Variants in SHPK observed in about 807,000 individuals in gnomAD.
SHPK encodes sedoheptulokinase.
SHPK carries 51 observed loss-of-function variants against 46.3 expected under a neutral mutation model. The ratio of observed to expected loss-of-function variants is 1.10; its 90% confidence interval spans 0.88 to 1.39. The LOEUF (loss-of-function observed/expected upper bound fraction) is 1.39. SHPK is among the 40% of genes most tolerant of loss of function. The probability of loss-of-function intolerance (pLI) is 0.00; values close to 1 mark genes in which losing one functional copy is unlikely to be tolerated. For missense variants in SHPK, 668 were observed against 641.3 expected (o/e 1.04, Z -0.45); for synonymous variants, 290 against 273.9 (o/e 1.06, Z -0.58).
intron 5 of SHPK, among the ~76,000 whole-genome samples, chr17:3,616,573 G>T (rs1322263885): frequency 6.6e-6 from 1 of 152,140 alleles, no homozygotes; most frequent in African/African-American, 2.4e-5. Context: ...ATAAATGTCT[G>T]TTGTTTTAGG....
In SHPK at chr17:3,610,293, G is replaced by GCT; in HGVS notation, c.*265_*266dup. ...GCAGGCTGGGCTACTGTGCTCTCAT[G>GCT]CTCTCTCTCTCCCACATGGACATTT... On this transcript the variant is annotated 3_prime_UTR_variant, in exon 7 of 7. Transcript: ENST00000225519. 1.4e-5 allele frequency: 6 copies of GCT among 436,682 alleles called. No homozygotes were observed. The highest frequency in any genetic ancestry group is 6.1e-5 in the South Asian group (2 of 32,986). 27.1% of individuals were successfully genotyped at this position (436,682 alleles called of 1,614,324 possible). A position where few individuals can be genotyped will look rare whatever the true frequency, so the allele number is the denominator to read the frequency against.
At chr17:3,618,292 A>T (rs549106380) in intron 5 of SHPK, among the ~76,000 whole-genome samples, 1 of 152,038 alleles carries the variant, frequency 6.6e-6, no homozygotes, top group South Asian at 2.1e-4. Context: ...TTTTTAGTAG[A>T]GATGGGTTTT....
chr17:3,611,651 A>G (rs1337528029), intron 6 of SHPK, among the ~76,000 whole-genome samples: 1 of 152,132 alleles, frequency 6.6e-6, no homozygotes, highest in East Asian at 1.9e-4. Flanking sequence ...TCCAGGACCA[A>G]TCACTGAATG....
At chr17:3,613,418 A>G (rs2075352730) in intron 6 of SHPK, among the ~76,000 whole-genome samples, 1 of 152,074 alleles carries the variant, frequency 6.6e-6, no homozygotes, top group Admixed American at 6.6e-5. Flanking sequence ...GCAAATGCAC[A>G]GGTGCAGTGG....
At chr17:3,624,003 T>G in intron 3 of SHPK, 45 bp downstream of exon 3, 1 of 1,553,052 alleles carries the variant, frequency 6.4e-7, no homozygotes, top group Non-Finnish European at 8.8e-7. Flanking sequence ...CTATTCTCAT[T>G]CTCCCGGAAA....
rs748741468 is a variant in SHPK at position 3,624,150 on chromosome 17, C to T, written c.392G>A (p.Arg131Gln). The change falls in exon 3 of 7, where the codon CGA becomes CAA. Residue 131 changes from arginine (R) to glutamine (Q), a missense_variant. Physicochemically the swap from Arg to Gln is conservative, Grantham distance 43 (BLOSUM62 1). Transcript: ENST00000225519. ...AGAGGCCAGGAATTCGCTGCTACAT[C>T]GGCCATCCTGCCACGTGACCAGGTG... ...VSHLVTWQDG[R>Q]CSSEFLASLP... 2.1e-5 allele frequency: 34 copies of T among 1,614,042 alleles called. No individual in the cohort carries two copies. The highest frequency in any genetic ancestry group is 5.3e-5 in the African/African-American group (4 of 74,942).
At position 3,624,073 on chromosome 17, in the gene SHPK, T is replaced by C. The variant is rs1260403952; in HGVS notation, c.469A>G (p.Thr157Ala). The C allele has an allele frequency of 5.0e-6, 8 of 1,609,230 alleles. No homozygotes were observed. In the African/African-American group the frequency reaches 8.0e-5, roughly 16 times the overall value. Residue 157 changes from threonine to alanine, a missense_variant, in exon 3 of 7, where the codon ACC (threonine) becomes GCC (alanine). Thr to Ala is a moderately conservative substitution (Grantham distance 58). Transcript: ENST00000225519. ...CGATATTTCAAAAGCCAGAAGATGG[T>C]TGCACAGCCGAAGCCCGTGGCCACA... ...LSVATGFGCATIFWLLKYRPE... is the reference protein window; with the variant it reads ...LSVATGFGCAAIFWLLKYRPE...
intron 6 of SHPK, among the ~76,000 whole-genome samples, chr17:3,612,425 T>TAA (rs375264317): frequency 4.0e-5 from 5 of 125,172 alleles, no homozygotes; most frequent in Non-Finnish European, 5.3e-5. Flanking sequence ...GACTCAGTCT[T>TAA]AAAAAAAAAA....
intron 1 of SHPK, among the ~76,000 whole-genome samples, chr17:3,632,216 A>G (rs1431345439): frequency 1.3e-5 from 2 of 152,126 alleles, no homozygotes; most frequent in Admixed American, 1.3e-4. Flanking sequence ...CGGCCTCCCA[A>G]AGTGCTGGCA....
chr17:3,631,973 T>C (rs78647345), intron 1 of SHPK, among the ~76,000 whole-genome samples: 1 of 152,056 alleles, frequency 6.6e-6, no homozygotes, highest in Non-Finnish European at 1.5e-5. Flanking sequence ...CATTTCTTTT[T>C]TTTTGAGACG....
At chr17:3,632,653 C>A (rs1360709542) in intron 1 of SHPK, among the ~76,000 whole-genome samples, 2 of 152,104 alleles carry the variant, frequency 1.3e-5, no homozygotes, top group African/African-American at 4.8e-5. Context: ...GACATTGCCC[C>A]CACTCCTTGG....
At chr17:3,619,871 A>G (rs2075389982) in intron 5 of SHPK, 4 of 287,290 alleles carry the variant, frequency 1.4e-5, no homozygotes, top group South Asian at 1.3e-4. Flanking sequence ...GCACCTGACA[A>G]CATGGCCACG....
intron 5 of SHPK, among the ~76,000 whole-genome samples, 199 bp from the exon 6 acceptor site, chr17:3,615,736 C>T (rs1220631184): frequency 2.6e-5 from 4 of 151,088 alleles, no homozygotes; most frequent in Non-Finnish European, 4.4e-5. Flanking sequence ...GGTGGCCTGT[C>T]GGGCTAACTC....
chr17:3,617,220 C>T (rs2075375482), intron 5 of SHPK, among the ~76,000 whole-genome samples: 1 of 152,082 alleles, frequency 6.6e-6, no homozygotes, highest in Non-Finnish European at 1.5e-5. Flanking sequence ...TCTGAACCCA[C>T]CCACCTCACG....
Position 3,624,229 on chromosome 17 carries a change from A to G in SHPK, c.313T>C (p.Cys105Arg). ...GVVFWKTGQGCEWTEGGITPV... is the reference protein window; with the variant it reads ...GVVFWKTGQGREWTEGGITPV... ...GTAATCCCTCCCTCTGTCCATTCAC[A>G]GCCTGGAACAAAAGAGATGACCAAA... is the stretch of plus-strand genomic sequence containing the variant. Residue 105 changes from cysteine (C) to arginine (R), a missense_variant and splice_region_variant, in exon 3 of 7, where the codon TGT (cysteine) becomes CGT (arginine). Coordinates refer to ENST00000225519, the MANE Select transcript of SHPK (RefSeq NM_013276.4). 1 of 1,605,736 alleles carries G rather than the reference A, an allele frequency of 6.2e-7. No individual in the cohort carries two copies. Among genetic ancestry groups the G allele is most frequent in the Non-Finnish European group, 8.5e-7 (1 of 1,173,606 alleles).
In SHPK at chr17:3,624,048, C is replaced by T. The variant is rs762570922; in HGVS notation, c.494G>A (p.Arg165His). The T allele has an allele frequency of 8.2e-5, 131 of 1,600,284 alleles. 2 individuals carry two copies. The highest frequency in any genetic ancestry group is 6.0e-4 in the South Asian group (54 of 90,526). Reference sequence around the variant, plus strand: ...CGAGTGAAAGTGCAGTTGCCCGTACCGATATTTCAAAAGCCAGAAGATGGT... The same window carrying T: ...CGAGTGAAAGTGCAGTTGCCCGTACTGATATTTCAAAAGCCAGAAGATGGT... ...CATIFWLLKY[R>H]PEFLKSYDAA... Residue 165 changes from arginine (R) to histidine (H), a missense_variant and splice_region_variant, in exon 3 of 7, where the codon CGC becomes CAC. Arg to His is a conservative substitution (Grantham distance 29). Transcript: ENST00000225519.
In SHPK at chr17:3,610,420, T is replaced by C. The variant is rs1224559284; in HGVS notation, c.*140A>G. On this transcript the variant is annotated 3_prime_UTR_variant, in exon 7 of 7. Transcript: ENST00000225519. ...AGAGTATGTTCTGAAGGTAAGTTCTTGGCCGAGATGGGACCTCACAACAAG... is the reference window on the plus strand; with the variant it reads ...AGAGTATGTTCTGAAGGTAAGTTCTCGGCCGAGATGGGACCTCACAACAAG... 5.8e-6 allele frequency: 5 copies of C among 867,682 alleles called. No individual in the cohort carries two copies. The highest frequency in any genetic ancestry group is 8.9e-6 in the Non-Finnish European group (5 of 564,062). The allele number at this position is 867,682 out of a possible 1,614,324, so 53.7% of individuals were successfully genotyped here. A position where few individuals can be genotyped will look rare whatever the true frequency, so the allele number is the denominator to read the frequency against.
At chr17:3,629,116 C>A (rs377198267) in intron 2 of SHPK, among the ~76,000 whole-genome samples, 2 of 152,110 alleles carry the variant, frequency 1.3e-5, no homozygotes, top group Non-Finnish European at 2.9e-5. Flanking sequence ...AAAAGCTCCT[C>A]GGACAGACTT....
At chr17:3,629,921 A>C (rs1376610980) in intron 2 of SHPK, among the ~76,000 whole-genome samples, 1 of 151,902 alleles carries the variant, frequency 6.6e-6, no homozygotes, top group Non-Finnish European at 1.5e-5. Flanking sequence ...TGGAAAATGC[A>C]CTCTGCTGAA....
Sources: allele counts gnomAD v4.1 joint callset (sites outside exome capture counted in the v4.1 genomes callset), GRCh38; gene constraint gnomAD v4.1.1; transcripts MANE v1.5; gene names NCBI Gene and HGNC (gene_info 2026-07-23, HGNC 2026-07-21).